Variants in SPEF2 observed in about 807,000 individuals in gnomAD.
SPEF2 encodes the protein sperm flagella and cilia-associated protein 2.
Under a neutral mutation model 224.6 loss-of-function variants are expected in SPEF2, and 187 were observed. That is an observed-to-expected ratio of 0.83 (90% CI 0.74 to 0.94). The LOEUF (loss-of-function observed/expected upper bound fraction) is 0.94. Ranked by LOEUF, SPEF2 falls within the 40% of genes least tolerant of loss-of-function variation. SPEF2 has a pLI of 0.00. For synonymous variants in SPEF2, 715 were observed against 707.3 expected (o/e 1.01, Z -0.17); for missense variants, 2,170 against 2,135.6 (o/e 1.02, Z -0.32).
chr5:35,700,742 T>C lies in SPEF2; in HGVS notation c.2388T>C (p.Asn796=). ...ATACTTCCTCAATGAGTCGCATGAA[T>C]GATATTATAGGTAAGCTGGACACCT... ...VSDTSSMSRM[N]DIIAEELSYK... The change falls in exon 16 of 37, where the codon AAT becomes AAC. Residue 796 remains asparagine (N), a synonymous_variant. Coordinates refer to ENST00000356031, the MANE Select transcript of SPEF2 (RefSeq NM_024867.4). 6.2e-7 allele frequency: 1 copy of C among 1,613,904 alleles called. No individual in the cohort carries two copies. The highest frequency in any genetic ancestry group is 2.2e-5 in the East Asian group (1 of 44,870).
At chr5:35,642,119 T>C (rs1268158334) in intron 3 of SPEF2, among the ~76,000 whole-genome samples, 1 of 152,188 alleles carries the variant, frequency 6.6e-6, no homozygotes, top group Non-Finnish European at 1.5e-5. Context: ...TATCAACTAC[T>C]GCAGCAACCT....
chr5:35,732,637 G>A (rs1423514441), intron 21 of SPEF2, among the ~76,000 whole-genome samples: 2 of 152,092 alleles, frequency 1.3e-5, no homozygotes, highest in African/African-American at 2.4e-5. Flanking sequence ...AATGAGCCTG[G>A]TTATATCCAT....
rs779490919 is a variant in SPEF2 at position 35,763,647 on chromosome 5, A to T, written c.3746A>T (p.Asp1249Val). The change falls in exon 26 of 37, where the codon GAT (aspartate) becomes GTT (valine). Residue 1249 changes from aspartate (D) to valine (V), a missense_variant. Physicochemically the swap from Asp to Val is radical, Grantham distance 152 (BLOSUM62 -3). Transcript: ENST00000356031. ...AACGTTGAGTCCAACTTTGAGGCCGATGAAAAGTTGGTCATGGACACCTGG... is the reference window on the plus strand; with the variant it reads ...AACGTTGAGTCCAACTTTGAGGCCGTTGAAAAGTTGGTCATGGACACCTGG... ...LENVESNFEA[D>V]EKLVMDTWQQ... The T allele has an allele frequency of 1.2e-6, 2 of 1,613,818 alleles. No individual in the cohort carries two copies. Among genetic ancestry groups the T allele is most frequent in the Non-Finnish European group, 1.7e-6 (2 of 1,179,920 alleles).
At chr5:35,744,602 G>A (rs1748181629) in intron 23 of SPEF2, among the ~76,000 whole-genome samples, 1 of 152,054 alleles carries the variant, frequency 6.6e-6, no homozygotes, top group Non-Finnish European at 1.5e-5. Context: ...CCAGAGCCCT[G>A]CTTTTGTGCT....
chr5:35,742,241 C>A (rs1747762977), intron 23 of SPEF2, among the ~76,000 whole-genome samples: 1 of 152,074 alleles, frequency 6.6e-6, no homozygotes, highest in African/African-American at 2.4e-5. Context: ...TTAACAGTTT[C>A]TTGAGCACCA....
At position 35,806,925 on chromosome 5, in the gene SPEF2, C is replaced by T. The variant is rs115647448; in HGVS notation, c.5229C>T (p.His1743=). The change falls in exon 35 of 37, where the codon CAC becomes CAT. Residue 1743 remains histidine (H), a synonymous_variant. Coordinates refer to ENST00000356031, the MANE Select transcript of SPEF2 (RefSeq NM_024867.4). ...EAQDSNRFAS[H]LKIENIYAEG... is the part of the protein sequence containing the mutation. Reference sequence around the variant, plus strand: ...AGGACTCCAATAGATTTGCCAGCCACCTAAAGATAGAGAACATTTATGCAG... The same window carrying T: ...AGGACTCCAATAGATTTGCCAGCCATCTAAAGATAGAGAACATTTATGCAG... The T allele has an allele frequency of 2.8e-3, 4,530 of 1,610,366 alleles. 141 individuals are homozygous for T. In the African/African-American group the frequency reaches 0.055, roughly 20 times the overall value.
intron 2 of SPEF2, among the ~76,000 whole-genome samples, chr5:35,634,338 CT>C (rs1426899130): frequency 1.3e-5 from 2 of 152,070 alleles, no homozygotes; most frequent in East Asian, 3.9e-4. Context: ...GTCTTCTGGC[CT>C]CCCTAATTTC....
intron 4 of SPEF2, 93 bp from the exon 5 acceptor site, chr5:35,646,574 A>G (rs1561126228): frequency 7.0e-6 from 9 of 1,278,120 alleles, no homozygotes; most frequent in Non-Finnish European, 9.6e-6. Context: ...GAAATTTTCA[A>G]TAGATAAATT....
rs1299557966 is a variant in SPEF2, at chr5:35,779,232, C to T, written c.4333C>T (p.Pro1445Ser). The change falls in exon 30 of 37, where the codon CCA (proline) becomes TCA (serine). Residue 1445 changes from proline (P) to serine (S), a missense_variant. Transcript: ENST00000356031. ...FFINGNIKVF[P>S]DPPPSIRPPP... ...CATTAATGGCAATATAAAAGTCTTCCCAGATCCTCCCCCATCAATACGTCC... is the reference window on the plus strand; with the variant it reads ...CATTAATGGCAATATAAAAGTCTTCTCAGATCCTCCCCCATCAATACGTCC... 3 of 1,613,744 alleles carry T rather than the reference C, an allele frequency of 1.9e-6. No homozygotes were observed. In the South Asian group the frequency reaches 3.3e-5, roughly 18 times the overall value.
chr5:35,806,820 A>C lies in SPEF2; in HGVS notation c.5124A>C (p.Glu1708Asp). Residue 1708 changes from glutamate (E) to aspartate (D), a missense_variant, in exon 35 of 37, where the codon GAA becomes GAC. Physicochemically the swap from Glu to Asp is conservative, Grantham distance 45. Transcript: ENST00000356031. ...CGGAGAAAAGGGAACAGAAGGATGA[A>C]GAAATCCCTGAAAATGCAAACAATG... is the stretch of plus-strand genomic sequence containing the variant. ...DDTEKREQKD[E>D]EIPENANNEK... 1 of 1,614,094 alleles carries C rather than the reference A, an allele frequency of 6.2e-7. No individual in the cohort carries two copies.
chr5:35,709,057 G>A lies in SPEF2; in HGVS notation c.2775G>A (p.Glu925=). Residue 925 remains glutamate (E), a synonymous_variant, in exon 19 of 37, where the codon GAG becomes GAA. Transcript: ENST00000356031. Reference sequence around the variant, plus strand: ...CTCCTCCTCCTGAACCAGAAAAAGAGAAGGAAATTCATCAAAGCCATGTGG... The same window carrying A: ...CTCCTCCTCCTGAACCAGAAAAAGAAAAGGAAATTCATCAAAGCCATGTGG... The part of the protein sequence containing the change: ...PPAPPPEPEK[E]KEIHQSHVAS... The A allele has an allele frequency of 6.2e-7, 1 of 1,613,944 alleles. No individual in the cohort carries two copies. Among genetic ancestry groups the A allele is most frequent in the Middle Eastern group, 1.7e-4 (1 of 6,060 alleles).
At position 35,797,622 on chromosome 5, in the gene SPEF2, CATA is replaced by C. The variant is rs1430237347; in HGVS notation, c.4830+1832_4830+1834del. Among the ~76,000 whole-genome samples the C allele has an allele frequency of 7.2e-5, 11 of 152,138 alleles. No homozygotes were observed. In the South Asian group the frequency reaches 1.7e-3, roughly 23 times the overall value. On this transcript the variant is annotated intron_variant, in intron 33 of 36. Transcript: ENST00000356031. ...GGTACTCTTGGAACAGCGATTGGCACATAATAAGTCCTATGTGTCAGTCAACAA... is the reference window on the plus strand; with the variant it reads ...GGTACTCTTGGAACAGCGATTGGCACATAAGTCCTATGTGTCAGTCAACAA...
intron 36 of SPEF2, among the ~76,000 whole-genome samples, chr5:35,812,257 T>C (rs1758592683): frequency 6.6e-6 from 1 of 152,088 alleles, no homozygotes; most frequent in African/African-American, 2.4e-5. Context: ...TGTCTTGTCT[T>C]TGGAAAAAAA....
At chr5:35,679,910 A>G (rs1197104880) in intron 10 of SPEF2, among the ~76,000 whole-genome samples, 1 of 152,184 alleles carries the variant, frequency 6.6e-6, no homozygotes, top group African/African-American at 2.4e-5. Context: ...TTACAACCAT[A>G]GGATTTTTGG....
intron 26 of SPEF2, among the ~76,000 whole-genome samples, chr5:35,767,213 G>A (rs747037633): frequency 6.6e-6 from 1 of 151,820 alleles, no homozygotes; most frequent in Non-Finnish European, 1.5e-5. Context: ...CAATGAAATT[G>A]GGAAAATATA....
At chr5:35,741,975 C>T (rs562394911) in intron 23 of SPEF2, among the ~76,000 whole-genome samples, 6 of 152,240 alleles carry the variant, frequency 3.9e-5, no homozygotes, top group African/African-American at 1.2e-4. Context: ...CCAAATGCGA[C>T]ATATGTTTAT....
At chr5:35,799,589 C>G (rs1757149164) in intron 33 of SPEF2, among the ~76,000 whole-genome samples, 1 of 152,070 alleles carries the variant, frequency 6.6e-6, no homozygotes, top group South Asian at 2.1e-4. Context: ...ACCGATGGAA[C>G]AGAAGCCTCA....
intron 23 of SPEF2, among the ~76,000 whole-genome samples, chr5:35,750,383 G>A (rs533761306): frequency 2.0e-5 from 3 of 152,168 alleles, no homozygotes; most frequent in Non-Finnish European, 2.9e-5. Flanking sequence ...ACTTTTGCAC[G>A]GCACATGGAC....
intron 28 of SPEF2, among the ~76,000 whole-genome samples, chr5:35,775,029 T>C (rs964819487): frequency 6.6e-6 from 1 of 152,198 alleles, no homozygotes; most frequent in African/African-American, 2.4e-5. Flanking sequence ...TAACAAATGA[T>C]TATTGACTTT....
Sources: gnomAD v4.1 joint callset for allele counts (sites outside exome capture counted in the v4.1 genomes callset) on GRCh38, gnomAD v4.1.1 for gene constraint, MANE v1.5 for transcripts, NCBI Gene and HGNC (gene_info 2026-07-23, HGNC 2026-07-21) for gene names.